Variants in ADAM23 observed in about 807,000 individuals in gnomAD.
The protein encoded by ADAM23 is ADAM metallopeptidase domain 23.
A neutral mutation model predicts 120.1 loss-of-function variants in ADAM23; 33 were observed. The ratio of observed to expected loss-of-function variants is 0.27; its 90% CI spans 0.21 to 0.37. The LOEUF (loss-of-function observed/expected upper bound fraction) is 0.37, where lower values mean the gene tolerates loss of function less well. Ranked by LOEUF, ADAM23 falls within the 10% of genes least tolerant of loss-of-function variation. ADAM23 has a pLI of 1.00. For missense variants in ADAM23, 862 were observed against 1,058.2 expected (o/e 0.81, Z 2.57); for synonymous variants, 367 against 375.2 (o/e 0.98, Z 0.25).
At chr2:206,601,468 C>G (rs1698638796) in intron 24 of ADAM23, among the ~76,000 whole-genome samples, 1 of 152,100 alleles carries the variant, frequency 6.6e-6, no homozygotes, top group African/African-American at 2.4e-5. Flanking sequence ...ATTCCATACT[C>G]CTGTTTTGAA....
chr2:206,481,848 T>C (rs1323376388), intron 3 of ADAM23, among the ~76,000 whole-genome samples: 1 of 152,232 alleles, frequency 6.6e-6, no homozygotes, highest in Non-Finnish European at 1.5e-5. Flanking sequence ...GATATTTAAA[T>C]GCTGTTTCCT....
chr2:206,522,390 A>G (rs1264096388), intron 3 of ADAM23, among the ~76,000 whole-genome samples: 2 of 152,002 alleles, frequency 1.3e-5, no homozygotes, highest in Admixed American at 6.6e-5. Context: ...TCTTTTGGCT[A>G]TTTTATATAT....
intron 2 of ADAM23, among the ~76,000 whole-genome samples, chr2:206,471,683 C>G (rs568778151): frequency 2.0e-5 from 3 of 152,062 alleles, no homozygotes; most frequent in East Asian, 3.9e-4. Flanking sequence ...CTTTATGACA[C>G]AAGTGTTAGC....
chr2:206,599,576 G>A (rs929451114), intron 24 of ADAM23, among the ~76,000 whole-genome samples: 1 of 152,062 alleles, frequency 6.6e-6, no homozygotes, highest in African/African-American at 2.4e-5. Context: ...TTATTATTTT[G>A]TTTTTGATTG....
intron 21 of ADAM23, among the ~76,000 whole-genome samples, chr2:206,590,096 C>T (rs1478541112): frequency 6.6e-6 from 1 of 151,836 alleles, no homozygotes; most frequent in Non-Finnish European, 1.5e-5. Context: ...ATATTTCTTT[C>T]TCCCTTTCTT....
At chr2:206,518,041 A>G (rs540740514) in intron 3 of ADAM23, among the ~76,000 whole-genome samples, 1 of 152,184 alleles carries the variant, frequency 6.6e-6, no homozygotes, top group Non-Finnish European at 1.5e-5. Context: ...TGTGAGTAAG[A>G]TAGTCTACAT....
chr2:206,554,878 C>T (rs574884390), intron 9 of ADAM23, among the ~76,000 whole-genome samples: 8 of 152,282 alleles, frequency 5.3e-5, no homozygotes, highest in African/African-American at 1.7e-4. Flanking sequence ...TTGTCTTACT[C>T]TCTCAGCAAT....
chr2:206,542,641 A>G (rs1198964438), intron 5 of ADAM23, among the ~76,000 whole-genome samples: 1 of 152,192 alleles, frequency 6.6e-6, no homozygotes, highest in Non-Finnish European at 1.5e-5. Flanking sequence ...AGCACCTCAT[A>G]TAAAGACTTA....
At position 206,619,668 on chromosome 2, in the gene ADAM23, A is replaced by C. The variant is rs944745450; in HGVS notation, c.*2041A>C. 1 of 152,204 alleles carries C rather than the reference A, an allele frequency of 6.6e-6. No homozygotes were observed. The highest frequency in any genetic ancestry group is 1.5e-5 in the Non-Finnish European group (1 of 68,040). The allele number at this position is 152,204 out of a possible 1,614,324, so 9.4% of individuals were successfully genotyped here. A position where few individuals can be genotyped will look rare whatever the true frequency, so the allele number is the denominator to read the frequency against. On this transcript the variant is annotated 3_prime_UTR_variant, in exon 26 of 26. Coordinates refer to ENST00000264377, the MANE Select transcript of ADAM23 (RefSeq NM_003812.4). ...TTTTGGAAAGTATTATGTCCTAAAA[A>C]TGCACTGCTTAACACAGTGGGGTTT...
chr2:206,446,574 G>A (rs940306453), intron 2 of ADAM23, among the ~76,000 whole-genome samples: 7 of 152,120 alleles, frequency 4.6e-5, no homozygotes, highest in African/African-American at 1.7e-4. Flanking sequence ...AGAAATTTAA[G>A]GCTTTTGGGT....
intron 3 of ADAM23, among the ~76,000 whole-genome samples, chr2:206,501,380 G>A (rs1002827171): frequency 6.6e-6 from 1 of 151,346 alleles, no homozygotes; most frequent in Non-Finnish European, 1.5e-5. Context: ...TTATCCCCTG[G>A]TTTCAATTTT....
At chr2:206,445,191 T>C in intron 1 of ADAM23, 116 bp from the exon 2 acceptor site, 1 of 736,548 alleles carries the variant, frequency 1.4e-6, no homozygotes, top group Non-Finnish European at 2.2e-6. Flanking sequence ...ATAGAAAACT[T>C]TGTGTTTGAA....
At chr2:206,485,371 T>C (rs77544068) in intron 3 of ADAM23, among the ~76,000 whole-genome samples, 234 of 152,330 alleles carry the variant, frequency 1.5e-3, no homozygotes, top group Non-Finnish European at 2.6e-3. Context: ...GGATGATCAT[T>C]GCTACATTAC....
intron 3 of ADAM23, among the ~76,000 whole-genome samples, chr2:206,481,915 C>A (rs768933678): frequency 3.9e-5 from 6 of 152,206 alleles, no homozygotes; most frequent in Non-Finnish European, 7.4e-5. Flanking sequence ...GAGCTGTTGA[C>A]TTAACTAAGG....
chr2:206,563,852 C>T (rs998564224), intron 13 of ADAM23, among the ~76,000 whole-genome samples: 3 of 151,784 alleles, frequency 2.0e-5, no homozygotes, highest in Admixed American at 6.6e-5. Flanking sequence ...GCCTCAGCCT[C>T]CCGAGTAGCC....
intron 3 of ADAM23, among the ~76,000 whole-genome samples, chr2:206,508,268 C>A (rs573805524): frequency 6.6e-6 from 1 of 152,110 alleles, no homozygotes; most frequent in East Asian, 1.9e-4. Flanking sequence ...CCTCGTGATC[C>A]GCCCACCTTG....
At chr2:206,505,789 C>A (rs1049881126) in intron 3 of ADAM23, among the ~76,000 whole-genome samples, 8 of 152,170 alleles carry the variant, frequency 5.3e-5, no homozygotes, top group Non-Finnish European at 1.2e-4. Context: ...GATGATGAAA[C>A]TGAGGCATGG....
intron 3 of ADAM23, among the ~76,000 whole-genome samples, chr2:206,521,984 G>C (rs1406143809): frequency 6.6e-6 from 1 of 152,038 alleles, no homozygotes; most frequent in Non-Finnish European, 1.5e-5. Context: ...GTATTTTATT[G>C]CTAGTGCAGC....
At chr2:206,445,242 G>A (rs951527511) in intron 1 of ADAM23, 65 bp from the exon 2 acceptor site, 1 of 1,160,204 alleles carries the variant, frequency 8.6e-7, no homozygotes, top group Admixed American at 1.9e-5. Flanking sequence ...GTATTTATGG[G>A]GTAAATATGT....
Sources: allele counts gnomAD v4.1 joint callset (sites outside exome capture counted in the v4.1 genomes callset), GRCh38; gene constraint gnomAD v4.1.1; transcripts MANE v1.5; gene names NCBI Gene and HGNC (gene_info 2026-07-23, HGNC 2026-07-21).